CDC42BPA: variants seen among roughly 807,000 people sequenced by gnomAD.
The protein encoded by CDC42BPA is CDC42 binding protein kinase alpha.
CDC42BPA carries 80 observed loss-of-function variants against 223.5 expected under a neutral mutation model. The observed-to-expected ratio is 0.36, with a 90% CI of 0.30 to 0.43. CDC42BPA has a LOEUF of 0.43. Ranked by LOEUF, CDC42BPA falls within the 20% of genes least tolerant of loss-of-function variation. The pLI is 1.00. For missense variants in CDC42BPA, 1,743 were observed against 2,099.9 expected (o/e 0.83, Z 3.32); for synonymous variants, 694 against 718.6 (o/e 0.97, Z 0.55).
At chr1:227,257,977 G>A (rs11584325) in intron 1 of CDC42BPA, among the ~76,000 whole-genome samples, 17,655 of 150,334 alleles carry the variant, frequency 0.12, 1,422 homozygotes, top group South Asian at 0.18. Flanking sequence ...CAAGACCAGC[G>A]TGGGCAACGT....
chr1:227,072,244 G>A lies in CDC42BPA; in HGVS notation c.2791C>T (p.Leu931=). Residue 931 remains leucine, a synonymous_variant, in exon 20 of 37, where the codon CTG becomes TTG. Transcript: ENST00000366766. The part of the protein sequence containing the change: ...NLELLSEIEQ[L]IKDTEELRSE... ...CTAAGCTCTTCAGTGTCCTTTATCA[G>A]CTGTTCGATTTCTGAGAGTAGTTCC... 6.2e-7 allele frequency: 1 copy of A among 1,609,314 alleles called. No individual in the cohort carries two copies. Among genetic ancestry groups the A allele is most frequent in the Non-Finnish European group, 8.5e-7 (1 of 1,176,334 alleles).
intron 6 of CDC42BPA, among the ~76,000 whole-genome samples, chr1:227,153,716 A>T (rs1468657249): frequency 6.6e-6 from 1 of 151,974 alleles, no homozygotes; most frequent in Non-Finnish European, 1.5e-5. Flanking sequence ...CAGACCTATA[A>T]TCATTAAAAA....
chr1:227,016,318 T>C (rs769285988), intron 33 of CDC42BPA, 121 bp from the exon 34 acceptor site: 53 of 679,516 alleles, frequency 7.8e-5, no homozygotes, highest in Non-Finnish European at 8.6e-5. Flanking sequence ...AATAAGAATA[T>C]AGAGTAACAG....
chr1:227,299,939 C>A (rs942740967), intron 1 of CDC42BPA, among the ~76,000 whole-genome samples: 2 of 152,146 alleles, frequency 1.3e-5, no homozygotes, highest in African/African-American at 4.8e-5. Flanking sequence ...CCTCTGAAAA[C>A]CTGACTCAGG....
intron 1 of CDC42BPA, among the ~76,000 whole-genome samples, chr1:227,307,395 C>G (rs1385455711): frequency 6.6e-6 from 1 of 152,104 alleles, no homozygotes; most frequent in Non-Finnish European, 1.5e-5. Flanking sequence ...GTCACACAAC[C>G]AGTTTAAAGG....
intron 1 of CDC42BPA, among the ~76,000 whole-genome samples, chr1:227,316,048 C>T (rs1354456848): frequency 4.0e-5 from 6 of 149,802 alleles, no homozygotes; most frequent in South Asian, 2.1e-4. Context: ...AGCATAAGAA[C>T]TTAGCATAAG....
intron 1 of CDC42BPA, among the ~76,000 whole-genome samples, chr1:227,268,274 T>A (rs1033835795): frequency 1.3e-5 from 2 of 152,150 alleles, no homozygotes; most frequent in African/African-American, 4.8e-5. Flanking sequence ...AAGGGCTGAG[T>A]TGAATAGCTG....
At chr1:227,301,955 T>C (rs1691707824) in intron 1 of CDC42BPA, among the ~76,000 whole-genome samples, 1 of 152,178 alleles carries the variant, frequency 6.6e-6, no homozygotes. Context: ...TTGCTTCATT[T>C]CCTAAGCAAC....
intron 5 of CDC42BPA, among the ~76,000 whole-genome samples, chr1:227,164,478 C>G (rs1664665205): frequency 6.6e-6 from 1 of 152,064 alleles, no homozygotes; most frequent in Admixed American, 6.5e-5. Context: ...CATCTATAGG[C>G]AACATAGTGA....
intron 2 of CDC42BPA, among the ~76,000 whole-genome samples, chr1:227,242,058 T>C (rs1013262565): frequency 6.6e-6 from 1 of 152,042 alleles, no homozygotes; most frequent in African/African-American, 2.4e-5. Flanking sequence ...ATAAACAAAA[T>C]ATCAGCAAAT....
chr1:227,236,923 G>C (rs558061298), intron 2 of CDC42BPA, among the ~76,000 whole-genome samples: 41 of 151,744 alleles, frequency 2.7e-4, no homozygotes, highest in African/African-American at 9.7e-4. Context: ...CATGCCTGTG[G>C]TACCAGCTAC....
At chr1:227,048,453 T>C (rs927815455) in intron 22 of CDC42BPA, among the ~76,000 whole-genome samples, 4 of 151,970 alleles carry the variant, frequency 2.6e-5, no homozygotes, top group African/African-American at 4.8e-5. Context: ...ATTACATATA[T>C]AGAACACAGC....
chr1:227,222,711 C>T (rs764297662), intron 2 of CDC42BPA, among the ~76,000 whole-genome samples: 7 of 152,204 alleles, frequency 4.6e-5, no homozygotes, highest in Non-Finnish European at 1.0e-4. Flanking sequence ...TCTCCAATCA[C>T]ATTTCTACAC....
At chr1:227,101,573 T>A (rs1685061743) in intron 14 of CDC42BPA, among the ~76,000 whole-genome samples, 1 of 152,176 alleles carries the variant, frequency 6.6e-6, no homozygotes, top group African/African-American at 2.4e-5. Flanking sequence ...ATTGTTGGTG[T>A]ATGGAGTGAG....
chr1:227,302,121 C>G (rs1691738115), intron 1 of CDC42BPA, among the ~76,000 whole-genome samples: 1 of 152,186 alleles, frequency 6.6e-6, no homozygotes, highest in Non-Finnish European at 1.5e-5. Context: ...CCCTTCATTA[C>G]AGTCTTAGGA....
Sources: gnomAD v4.1 joint callset for allele counts (sites outside exome capture counted in the v4.1 genomes callset) on GRCh38, gnomAD v4.1.1 for gene constraint, MANE v1.5 for transcripts, NCBI Gene and HGNC (gene_info 2026-07-23, HGNC 2026-07-21) for gene names.